Variants in PTPRN2 observed in about 807,000 individuals in gnomAD.
The protein encoded by PTPRN2 is receptor-type tyrosine-protein phosphatase N2.
In PTPRN2, 74 loss-of-function variants were observed where a neutral mutation model predicts 118.8. That is an observed-to-expected ratio of 0.62 (90% CI 0.52 to 0.76). The LOEUF is 0.76. Ranked by LOEUF, PTPRN2 falls within the 30% of genes least tolerant of loss-of-function variation. PTPRN2 has a pLI of 0.00. For missense variants in PTPRN2, 1,481 were observed against 1,394.4 expected (o/e 1.06, Z -0.99); for synonymous variants, 641 against 608.0 (o/e 1.05, Z -0.80).
chr7:158,557,715 G>A (rs1001253446), intron 1 of PTPRN2, among the ~76,000 whole-genome samples: 1 of 152,196 alleles, frequency 6.6e-6, no homozygotes, highest in Admixed American at 6.5e-5. Flanking sequence ...TGAGCAACCT[G>A]GGATGTTTGT....
At position 158,547,344 on chromosome 7, in the gene PTPRN2, C is replaced by T. The variant is rs146135016; in HGVS notation, c.112+40214G>A. On this transcript the variant is annotated intron_variant, in intron 1 of 22. Transcript: ENST00000389418. Reference sequence around the variant, plus strand: ...CTGACTCCCCAGCCCCTGGCACCCCCAATCCTATGCTGACTCCCCAGCCCC... The same window carrying T: ...CTGACTCCCCAGCCCCTGGCACCCCTAATCCTATGCTGACTCCCCAGCCCC... Among the ~76,000 whole-genome samples, 86 of 150,282 alleles carry T rather than the reference C, an allele frequency of 5.7e-4. 2 individuals carry two copies. In the East Asian group the frequency reaches 0.014, roughly 24 times the overall value.
At chr7:158,239,122 T>G (rs957905903) in intron 3 of PTPRN2, among the ~76,000 whole-genome samples, 1 of 152,154 alleles carries the variant, frequency 6.6e-6, no homozygotes, top group African/African-American at 2.4e-5. Flanking sequence ...GCCACCACCA[T>G]GCCCTGAGGA....
At chr7:158,387,556 C>T (rs1170163913) in intron 2 of PTPRN2, among the ~76,000 whole-genome samples, 1 of 152,306 alleles carries the variant, frequency 6.6e-6, no homozygotes, top group Non-Finnish European at 1.5e-5. Context: ...CTCCAGGGGG[C>T]TGCGGCATCC....
intron 12 of PTPRN2, among the ~76,000 whole-genome samples, chr7:157,859,956 CTGT>C (rs1810097608): frequency 7.1e-6 from 1 of 141,760 alleles, no homozygotes; most frequent in Non-Finnish European, 1.5e-5. Flanking sequence ...CCCCCAGCCA[CTGT>C]ACACACTCCT....
chr7:158,201,935 G>A (rs1826677377), intron 4 of PTPRN2, among the ~76,000 whole-genome samples: 1 of 152,174 alleles, frequency 6.6e-6, no homozygotes, highest in Non-Finnish European at 1.5e-5. Context: ...GGCCTCCTGA[G>A]GGCTGCATCA....
At chr7:157,842,409 A>AC (rs1208088365) in intron 12 of PTPRN2, among the ~76,000 whole-genome samples, 3 of 111,960 alleles carry the variant, frequency 2.7e-5, no homozygotes, top group Non-Finnish European at 5.4e-5. Flanking sequence ...GATTCAGGAG[A>AC]CTTTTTTTTT....
chr7:157,758,568 T>C (rs890184201), intron 12 of PTPRN2, among the ~76,000 whole-genome samples: 1 of 152,182 alleles, frequency 6.6e-6, no homozygotes, highest in African/African-American at 2.4e-5. Context: ...GCTGCTGTGC[T>C]GGGAAGGCTG....
intron 2 of PTPRN2, among the ~76,000 whole-genome samples, chr7:158,322,154 C>T (rs771353209): frequency 2.0e-5 from 3 of 152,134 alleles, no homozygotes; most frequent in Admixed American, 6.5e-5. Context: ...TGGCTGCCTC[C>T]GCCCCACACC....
chr7:157,806,820 A>G lies in PTPRN2; in HGVS notation c.1788+91853T>C, dbSNP rs141597434. ...AGACCACGGCCCGGTGGTCTGCATG[A>G]ACAAAGTGAGTACTTGGAGGGCCAC... is the stretch of plus-strand genomic sequence containing the variant. On this transcript the variant is annotated intron_variant, in intron 12 of 22. Coordinates refer to ENST00000389418, the MANE Select transcript of PTPRN2 (RefSeq NM_002847.5). Among the ~76,000 whole-genome samples the G allele has an allele frequency of 6.1e-3, 923 of 152,270 alleles. 6 individuals carry two copies. The highest frequency in any genetic ancestry group is 0.021 in the African/African-American group (864 of 41,550).
intron 1 of PTPRN2, among the ~76,000 whole-genome samples, chr7:158,537,330 G>A (rs779827175): frequency 5.3e-5 from 8 of 152,218 alleles, no homozygotes; most frequent in Non-Finnish European, 1.2e-4. Context: ...GGAACCACAG[G>A]AAGAGGCTCT....
intron 11 of PTPRN2, among the ~76,000 whole-genome samples, chr7:157,949,400 T>C (rs1481858609): frequency 6.6e-6 from 1 of 152,276 alleles, no homozygotes; most frequent in African/African-American, 2.4e-5. Flanking sequence ...CATTCATCTA[T>C]TCCCTATTTA....
chr7:157,633,630 G>A (rs1029522725), intron 14 of PTPRN2, among the ~76,000 whole-genome samples: 1 of 152,210 alleles, frequency 6.6e-6, no homozygotes, highest in African/African-American at 2.4e-5. Context: ...AACTCTCAGA[G>A]CCATGGGCCG....
At chr7:157,844,084 A>G (rs78927066) in intron 12 of PTPRN2, among the ~76,000 whole-genome samples, 14 of 148,150 alleles carry the variant, frequency 9.4e-5, no homozygotes, top group Non-Finnish European at 1.6e-4. Flanking sequence ...CACGTCGTGG[A>G]TGTGGAACGC....
chr7:158,129,882 A>G (rs1818031771), intron 9 of PTPRN2, among the ~76,000 whole-genome samples: 1 of 152,200 alleles, frequency 6.6e-6, no homozygotes, highest in South Asian at 2.1e-4. Flanking sequence ...GCAAGGGCAC[A>G]GACAGACACG....
At chr7:158,067,865 C>G (rs926168856) in intron 11 of PTPRN2, among the ~76,000 whole-genome samples, 3 of 151,932 alleles carry the variant, frequency 2.0e-5, no homozygotes, top group Non-Finnish European at 2.9e-5. Context: ...CACACTGGGT[C>G]ACGCCGGGCC....
chr7:157,932,531 A>G (rs1799422057), intron 11 of PTPRN2, among the ~76,000 whole-genome samples: 1 of 152,042 alleles, frequency 6.6e-6, no homozygotes, highest in Admixed American at 6.6e-5. Context: ...GTTTTAGAGG[A>G]GGGGTGAGTC....
Position 158,254,636 on chromosome 7 carries a change from T to C in PTPRN2, c.278-49363A>G, listed in dbSNP as rs1194142953. Among the ~76,000 whole-genome samples, 7 of 123,862 alleles carry C rather than the reference T, an allele frequency of 5.7e-5. 1 individual carries two copies. Among genetic ancestry groups the C allele is most frequent in the African/African-American group, 2.0e-4 (6 of 30,206 alleles). 81.3% of individuals were successfully genotyped at this position (123,862 alleles called of 152,430 possible). On this transcript the variant is annotated intron_variant, in intron 3 of 22. Transcript: ENST00000389418. Reference sequence around the variant, plus strand: ...TAACTGGACAGTGGCACAGAGCCACTGCCCACGGCACGACCCGCCCTCCAT... The same window carrying C: ...TAACTGGACAGTGGCACAGAGCCACCGCCCACGGCACGACCCGCCCTCCAT...
rs186832387 is a variant in PTPRN2 at position 157,996,191 on chromosome 7, A to G, written c.1723+85107T>C. Among the ~76,000 whole-genome samples, 51 of 152,368 alleles carry G rather than the reference A, an allele frequency of 3.3e-4. No individual in the cohort carries two copies. In the East Asian group the frequency reaches 9.4e-3, roughly 28 times the overall value. ...AAACAATGCAGAATCAGAAAGTCAA[A>G]TACTGCACATTCACACATTTAAGTG... On this transcript the variant is annotated intron_variant, in intron 11 of 22. Coordinates refer to ENST00000389418, the MANE Select transcript of PTPRN2 (RefSeq NM_002847.5).
At chr7:158,124,818 T>C (rs1817488802) in intron 9 of PTPRN2, among the ~76,000 whole-genome samples, 2 of 152,124 alleles carry the variant, frequency 1.3e-5, no homozygotes, top group Non-Finnish European at 2.9e-5. Flanking sequence ...TCAGGACCAG[T>C]GGAGTCACAG....
Sources: allele counts gnomAD v4.1 joint callset (sites outside exome capture counted in the v4.1 genomes callset), GRCh38; gene constraint gnomAD v4.1.1; transcripts MANE v1.5; gene names NCBI Gene and HGNC (gene_info 2026-07-23, HGNC 2026-07-21).